RBM39: variants seen among roughly 807,000 people sequenced by gnomAD.
RBM39 encodes the protein RNA binding motif protein 39.
In RBM39, 12 loss-of-function variants were observed where a neutral mutation model predicts 79.6. The ratio of observed to expected loss-of-function variants is 0.15; its 90% confidence interval spans 0.10 to 0.24. The LOEUF is 0.24. RBM39 is among the 10% of genes least tolerant of loss of function. RBM39 has a pLI of 1.00. For synonymous variants in RBM39, 185 were observed against 208.4 expected (o/e 0.89, Z 0.97); for missense variants, 243 against 653.4 (o/e 0.37, Z 6.85).
At chr20:35,736,107 C>T (rs1470498507) in intron 3 of RBM39, among the ~76,000 whole-genome samples, 1 of 74,804 alleles carries the variant, frequency 1.3e-5, no homozygotes, top group East Asian at 5.0e-4. Flanking sequence ...AGCCACTCGG[C>T]CTGACACCTA....
At chr20:35,730,444 T>G (rs936401865) in intron 4 of RBM39, among the ~76,000 whole-genome samples, 107 of 152,262 alleles carry the variant, frequency 7.0e-4, no homozygotes, top group African/African-American at 2.4e-3. Flanking sequence ...TGCAAGTATT[T>G]CCAAATAAAA....
intron 3 of RBM39, chr20:35,734,706 G>C: frequency 6.1e-6 from 5 of 818,092 alleles, no homozygotes; most frequent in Non-Finnish European, 8.4e-6. Flanking sequence ...ACATCTGAAG[G>C]CAACCCCAGG....
intron 10 of RBM39, among the ~76,000 whole-genome samples, chr20:35,714,895 CA>C (rs1463583567): frequency 6.6e-6 from 1 of 152,034 alleles, no homozygotes; most frequent in African/African-American, 2.4e-5. Context: ...CATATACCCA[CA>C]ATGGCTTATC....
intron 3 of RBM39, among the ~76,000 whole-genome samples, chr20:35,733,860 C>T (rs946944915): frequency 2.0e-5 from 3 of 152,154 alleles, no homozygotes; most frequent in Non-Finnish European, 2.9e-5. Flanking sequence ...TGCTCACTTC[C>T]GTAGTCTTCA....
At chr20:35,723,876 T>TA (rs2038316597) in intron 8 of RBM39, among the ~76,000 whole-genome samples, 1 of 152,116 alleles carries the variant, frequency 6.6e-6, no homozygotes, top group Non-Finnish European at 1.5e-5. Flanking sequence ...CCCTGTTTCT[T>TA]AAAAAAATTT....
chr20:35,712,587 A>G (rs768329827), intron 12 of RBM39, among the ~76,000 whole-genome samples: 32 of 152,022 alleles, frequency 2.1e-4, no homozygotes, highest in Non-Finnish European at 3.4e-4. Context: ...CTCCCAATTC[A>G]TGATCTTAAA....
At position 35,724,607 on chromosome 20, in the gene RBM39, C is replaced by T; in HGVS notation, c.650G>A (p.Arg217Gln). Reference sequence around the variant, plus strand: ...TACTATGATTGGCACGCCTAAAACTCGTTGGCCAGTTAATCCTATTGCTAG... The same window carrying T: ...TACTATGATTGGCACGCCTAAAACTTGTTGGCCAGTTAATCCTATTGCTAG... Reference protein sequence around the residue: ...VPLAIGLTGQRVLGVPIIVQA... With the variant: ...VPLAIGLTGQQVLGVPIIVQA... The change falls in exon 8 of 17, where the codon CGA becomes CAA. Residue 217 changes from arginine to glutamine, a missense_variant. Coordinates refer to ENST00000253363, the MANE Select transcript of RBM39 (RefSeq NM_184234.3). 2 of 1,614,088 alleles carry T rather than the reference C, an allele frequency of 1.2e-6. No homozygotes were observed. Among genetic ancestry groups the T allele is most frequent in the Non-Finnish European group, 1.7e-6 (2 of 1,180,014 alleles).
At chr20:35,726,007 C>G (rs954607539) in intron 6 of RBM39, among the ~76,000 whole-genome samples, 1 of 152,132 alleles carries the variant, frequency 6.6e-6, no homozygotes, top group Non-Finnish European at 1.5e-5. Context: ...AAAAAATGCG[C>G]ATAAAACTAT....
intron 15 of RBM39, 173 bp downstream of exon 15, chr20:35,705,052 A>G: frequency 1.7e-6 from 1 of 605,004 alleles, no homozygotes. Flanking sequence ...ATTGTTACTG[A>G]TTTTCTTTTA....
chr20:35,736,673 A>G (rs2039953937), intron 3 of RBM39: 1 of 447,112 alleles, frequency 2.2e-6, no homozygotes, highest in Admixed American at 2.6e-5. Flanking sequence ...TTTGTTTGAG[A>G]CGGAGTCTCG....
intron 9 of RBM39, among the ~76,000 whole-genome samples, chr20:35,717,650 A>G (rs1194862451): frequency 6.6e-6 from 1 of 152,176 alleles, no homozygotes; most frequent in Non-Finnish European, 1.5e-5. Flanking sequence ...CTGTAACACA[A>G]TCTCCTGATT....
intron 6 of RBM39, among the ~76,000 whole-genome samples, chr20:35,727,449 C>G (rs1208102400): frequency 2.0e-5 from 3 of 150,190 alleles, no homozygotes; most frequent in Non-Finnish European, 4.4e-5. Flanking sequence ...CAAAATATTC[C>G]TTGAACCGAA....
rs760622488 is a variant in RBM39 at position 35,732,129 on chromosome 20, T to C, written c.108A>G (p.Lys36=). 7.4e-6 allele frequency: 12 copies of C among 1,614,014 alleles called. No homozygotes were observed. In the East Asian group the frequency reaches 2.7e-4, roughly 36 times the overall value. ...NGHEERSKKR[K]KSKSRSRSHE... ...GACTACGACTTCTGCTCTTGCTTTT[T>C]TTCCTCCTGAGAAGAAAAAAACTCG... is the stretch of plus-strand genomic sequence containing the variant. Residue 36 remains lysine, a synonymous_variant, in exon 4 of 17, where the codon AAA becomes AAG. Transcript: ENST00000253363.
At chr20:35,706,190 T>C (rs2035709040) in intron 14 of RBM39, among the ~76,000 whole-genome samples, 1 of 152,030 alleles carries the variant, frequency 6.6e-6, no homozygotes, top group Non-Finnish European at 1.5e-5. Flanking sequence ...AACACAAAAG[T>C]AGTTGGGCGT....
intron 3 of RBM39, chr20:35,735,192 T>C (rs2039778097): frequency 1.5e-6 from 2 of 1,339,708 alleles, no homozygotes; most frequent in Non-Finnish European, 1.9e-6. Context: ...TATCTTTTAT[T>C]GAGTAATTCT....
intron 14 of RBM39, 87 bp downstream of exon 14, chr20:35,707,027 TAAAAAA>T (rs58614202): frequency 5.7e-4 from 87 of 151,870 alleles, no homozygotes; most frequent in South Asian, 4.1e-3. Flanking sequence ...AACTCCATCT[TAAAAAA>T]AAAAAAAAAA....
intron 4 of RBM39, among the ~76,000 whole-genome samples, chr20:35,729,796 CTT>C (rs1484315916): frequency 6.6e-6 from 1 of 151,222 alleles, no homozygotes; most frequent in African/African-American, 2.4e-5. Flanking sequence ...CATTTTCAGA[CTT>C]TAGATATCTT....
chr20:35,729,507 C>A lies in RBM39; in HGVS notation c.317G>T (p.Ser106Ile). Residue 106 changes from serine to isoleucine, a missense_variant, in exon 5 of 17, where the codon AGT (serine) becomes ATT (isoleucine). Ser to Ile is a moderately radical substitution (Grantham distance 142, BLOSUM62 -2). Coordinates refer to ENST00000253363, the MANE Select transcript of RBM39 (RefSeq NM_184234.3). ...CAACCCAATCTTTCCTCGGATGGCA[C>A]TGTTAAATTTTGGTCCGGAGCTAAA... ...RSPYSGPKFN[S>I]AIRGKIGLPH... 1.2e-6 allele frequency: 2 copies of A among 1,614,060 alleles called. No individual in the cohort carries two copies. Among genetic ancestry groups the A allele is most frequent in the South Asian group, 1.1e-5 (1 of 91,062 alleles).
chr20:35,707,249 T>C (rs1398323287), intron 13 of RBM39, 48 bp from the exon 14 acceptor site: 20 of 1,376,266 alleles, frequency 1.5e-5, no homozygotes, highest in Non-Finnish European at 1.8e-5. Context: ...TGCATGAAAG[T>C]ATCCCTCATA....
Sources: gnomAD v4.1 joint callset for allele counts (sites outside exome capture counted in the v4.1 genomes callset) on GRCh38, gnomAD v4.1.1 for gene constraint, MANE v1.5 for transcripts, NCBI Gene and HGNC (gene_info 2026-07-23, HGNC 2026-07-21) for gene names.